Variants in GABBR2 observed in about 807,000 individuals in gnomAD.
GABBR2 encodes gamma-aminobutyric acid type B receptor subunit 2.
A neutral mutation model predicts 105.6 loss-of-function variants in GABBR2; 23 were observed. The ratio of observed to expected loss-of-function variants is 0.22; its 90% confidence interval spans 0.16 to 0.31. The LOEUF is 0.31. Ranked by LOEUF, GABBR2 falls within the 10% of genes least tolerant of loss-of-function variation. The probability of loss-of-function intolerance (pLI) is 1.00; values close to 1 mark genes in which losing one functional copy is unlikely to be tolerated. For synonymous variants in GABBR2, 478 were observed against 499.7 expected (o/e 0.96, Z 0.58); for missense variants, 734 against 1,245.5 (o/e 0.59, Z 6.18).
rs549920351 is a variant in GABBR2 at position 98,350,189 on chromosome 9, C to A, written c.1893+12526G>T. On this transcript the variant is annotated intron_variant, in intron 13 of 18. Transcript: ENST00000259455. ...GATTTTATCTTCTCAAAAAAAAAAA[C>A]CCCACAAGTTCTCATTTTCTTCATC... Among the ~76,000 whole-genome samples the A allele has an allele frequency of 3.6e-3, 522 of 146,186 alleles. 2 individuals carry two copies. The highest frequency in any genetic ancestry group is 0.012 in the African/African-American group (467 of 38,410).
intron 7 of GABBR2, among the ~76,000 whole-genome samples, chr9:98,432,052 C>T (rs1339934475): frequency 4.6e-5 from 7 of 152,098 alleles, no homozygotes; most frequent in Admixed American, 2.6e-4. Context: ...TGTGCTACCA[C>T]GCCCAGCTAA....
At chr9:98,518,370 A>G (rs971494370) in intron 3 of GABBR2, among the ~76,000 whole-genome samples, 6 of 152,166 alleles carry the variant, frequency 3.9e-5, no homozygotes, top group African/African-American at 1.4e-4. Context: ...TTATATCCAT[A>G]TGTTTTCACC....
intron 8 of GABBR2, 122 bp from the exon 9 acceptor site, chr9:98,394,377 T>G: frequency 1.5e-6 from 1 of 679,800 alleles, no homozygotes; most frequent in South Asian, 1.8e-5. Flanking sequence ...CTTCCCTTTC[T>G]CCAATGCCTC....
chr9:98,516,219 G>A (rs992901695), intron 3 of GABBR2: 3 of 152,318 alleles, frequency 2.0e-5, no homozygotes. Flanking sequence ...ATCAGAGAAT[G>A]GTAATAAAAG....
chr9:98,456,531 C>G (rs1201863899), intron 6 of GABBR2, among the ~76,000 whole-genome samples: 1 of 152,180 alleles, frequency 6.6e-6, no homozygotes, highest in African/African-American at 2.4e-5. Flanking sequence ...TCCATGAGGT[C>G]GGAGATGTGA....
rs7870284 is a variant in GABBR2 at position 98,569,441 on chromosome 9, A to G, written c.459+8494T>C. 2.7e-3 allele frequency among the ~76,000 whole-genome samples: 416 copies of G among 152,340 alleles called. 3 individuals are homozygous for G. The highest frequency in any genetic ancestry group is 9.6e-3 in the African/African-American group (400 of 41,572). ...TGTCCATGCAAAGCTTTAAACTCCA[A>G]TGGCCGTAATCAGAGATCTGCTTCT... On this transcript the variant is annotated intron_variant, in intron 2 of 18. Transcript: ENST00000259455.
chr9:98,648,239 C>T (rs377663694), intron 1 of GABBR2, among the ~76,000 whole-genome samples: 173 of 152,198 alleles, frequency 1.1e-3, no homozygotes, highest in African/African-American at 4.0e-3. Context: ...TCAAGCCATT[C>T]TCCCACCTCA....
intron 2 of GABBR2, among the ~76,000 whole-genome samples, chr9:98,572,991 C>T (rs947664465): frequency 2.0e-5 from 3 of 152,188 alleles, no homozygotes; most frequent in South Asian, 2.1e-4. Context: ...AAATGCAGAG[C>T]GATTCTGTGG....
chr9:98,465,427 C>T (rs1222557652), intron 6 of GABBR2, among the ~76,000 whole-genome samples: 1 of 152,098 alleles, frequency 6.6e-6, no homozygotes. Context: ...AAAGGTAAAA[C>T]AATAGAGTTT....
chr9:98,675,463 A>G (rs926166879), intron 1 of GABBR2, among the ~76,000 whole-genome samples: 1 of 152,188 alleles, frequency 6.6e-6, no homozygotes, highest in African/African-American at 2.4e-5. Flanking sequence ...GGGGAGGGCC[A>G]AGGAAAAGGA....
intron 4 of GABBR2, among the ~76,000 whole-genome samples, chr9:98,492,776 G>A (rs1036260736): frequency 1.3e-5 from 2 of 152,142 alleles, no homozygotes; most frequent in Non-Finnish European, 2.9e-5. Context: ...GGGATTTGGG[G>A]AAGAAGACCA....
At chr9:98,419,448 T>C (rs1309082244) in intron 7 of GABBR2, among the ~76,000 whole-genome samples, 3 of 151,916 alleles carry the variant, frequency 2.0e-5, no homozygotes, top group Admixed American at 1.3e-4. Flanking sequence ...GGAAAGACCA[T>C]GGCCGTCGGG....
chr9:98,571,543 C>A (rs149237069), intron 2 of GABBR2, among the ~76,000 whole-genome samples: 1 of 152,158 alleles, frequency 6.6e-6, no homozygotes, highest in South Asian at 2.1e-4. Context: ...TTTTGATCAG[C>A]GGGGAATACA....
At chr9:98,293,742 G>GT (rs770711011) in intron 18 of GABBR2, 43 bp downstream of exon 18, 7 of 1,061,480 alleles carry the variant, frequency 6.6e-6, no homozygotes. Flanking sequence ...CAGGAGTGAC[G>GT]TATTTCTTCT....
At chr9:98,501,322 A>G (rs1358985089) in intron 3 of GABBR2, among the ~76,000 whole-genome samples, 1 of 151,902 alleles carries the variant, frequency 6.6e-6, no homozygotes, top group Non-Finnish European at 1.5e-5. Flanking sequence ...CCGCCACCAC[A>G]CCCAGCTAAT....
chr9:98,575,577 G>C (rs1473474259), intron 2 of GABBR2, among the ~76,000 whole-genome samples: 1 of 152,124 alleles, frequency 6.6e-6, no homozygotes, highest in Non-Finnish European at 1.5e-5. Flanking sequence ...GCTCAGGGAG[G>C]CAGCACATGG....
intron 7 of GABBR2, among the ~76,000 whole-genome samples, chr9:98,406,965 T>C (rs1474478818): frequency 1.3e-5 from 2 of 152,220 alleles, no homozygotes; most frequent in African/African-American, 4.8e-5. Flanking sequence ...GATAAGGGGA[T>C]GACCCCCATT....
intron 2 of GABBR2, among the ~76,000 whole-genome samples, chr9:98,557,793 T>C (rs1316714875): frequency 6.6e-6 from 1 of 152,244 alleles, no homozygotes; most frequent in African/African-American, 2.4e-5. Context: ...ATTCATGGCA[T>C]TTAGATAAAA....
At chr9:98,501,303 T>C (rs1210241474) in intron 3 of GABBR2, among the ~76,000 whole-genome samples, 1 of 152,086 alleles carries the variant, frequency 6.6e-6, no homozygotes, top group Non-Finnish European at 1.5e-5. Flanking sequence ...TAGCTGAGAT[T>C]ACAGGTGCCC....
Sources: allele counts gnomAD v4.1 joint callset (sites outside exome capture counted in the v4.1 genomes callset), GRCh38; gene constraint gnomAD v4.1.1; transcripts MANE v1.5; gene names NCBI Gene and HGNC (gene_info 2026-07-23, HGNC 2026-07-21).